Variants in NINL observed in about 807,000 individuals in gnomAD.
NINL encodes the protein ninein-like protein.
A neutral mutation model predicts 160.3 loss-of-function variants in NINL; 153 were observed. The observed-to-expected ratio is 0.95, with a 90% CI of 0.84 to 1.09. NINL has a LOEUF of 1.09. NINL is among the 50% of genes least tolerant of loss of function. The pLI is 0.00. For synonymous variants in NINL, 800 were observed against 734.8 expected (o/e 1.09, Z -1.43); for missense variants, 1,829 against 1,764.0 (o/e 1.04, Z -0.66).
chr20:25,484,182 A>G (rs891540988), intron 13 of NINL, among the ~76,000 whole-genome samples: 3 of 152,246 alleles, frequency 2.0e-5, no homozygotes, highest in African/African-American at 7.2e-5. Context: ...TGAAAGAAAA[A>G]AAGTTTTTAA....
intron 16 of NINL, 82 bp downstream of exon 16, chr20:25,478,841 A>G: frequency 6.9e-7 from 1 of 1,456,830 alleles, no homozygotes; most frequent in Non-Finnish European, 9.1e-7. Context: ...AGCAATTCTG[A>G]GTTGTTTCCT....
intron 1 of NINL, among the ~76,000 whole-genome samples, chr20:25,545,246 C>T (rs912249486): frequency 1.3e-5 from 2 of 152,142 alleles, no homozygotes; most frequent in Non-Finnish European, 2.9e-5. Flanking sequence ...ATAAGGTGAA[C>T]ATTTGAAGAG....
intron 17 of NINL, among the ~76,000 whole-genome samples, chr20:25,473,849 C>T (rs141983446): frequency 0.014 from 2,125 of 152,116 alleles, 47 homozygotes; most frequent in African/African-American, 0.046. Flanking sequence ...GTCTGGGCAA[C>T]AGAGTGAGAC....
Position 25,476,677 on chromosome 20 carries a change from C to T in NINL, c.2614G>A (p.Ala872Thr), listed in dbSNP as rs372683397. Residue 872 changes from alanine to threonine, a missense_variant, in exon 17 of 24, where the codon GCG becomes ACG. Coordinates refer to ENST00000278886, the MANE Select transcript of NINL (RefSeq NM_025176.6). The stretch of plus-strand genomic sequence containing the variant: ...CTGCGGCGAGGCCCGGCTCCTGCCG[C>T]CTCCTCAGACTCTCTGCCATCACCT... Reference protein sequence around the residue: ...APGDGRESEEAAGAGPRRRQA... With the variant: ...APGDGRESEETAGAGPRRRQA... 8.6e-5 allele frequency: 136 copies of T among 1,590,110 alleles called. No homozygotes were observed. The highest frequency in any genetic ancestry group is 6.6e-4 in the Middle Eastern group (4 of 6,028).
At chr20:25,489,195 AC>A in intron 13 of NINL, 48 bp downstream of exon 13, 2 of 1,556,746 alleles carry the variant, frequency 1.3e-6, no homozygotes, top group Non-Finnish European at 1.8e-6. Context: ...GCGTGTGGAG[AC>A]CCAGAGCCTG....
rs1601193415 is a variant in NINL at position 25,513,130 on chromosome 20, C to T, written c.278-124G>A. Reference sequence around the variant, plus strand: ...GAGTGTGCCCCTCAAACACGTACTGCTCTGCACACAGAAGCATCTGGAAAG... The same window carrying T: ...GAGTGTGCCCCTCAAACACGTACTGTTCTGCACACAGAAGCATCTGGAAAG... On this transcript the variant is annotated intron_variant, in intron 3 of 23. Transcript: ENST00000278886. 12 of 887,086 alleles carry T rather than the reference C, an allele frequency of 1.4e-5. No individual in the cohort carries two copies. The East Asian group carries it at 3.1e-4, about 23-fold the overall frequency. 55.0% of individuals were successfully genotyped at this position (887,086 alleles called of 1,614,324 possible). A position where few individuals can be genotyped will look rare whatever the true frequency, so the allele number is the denominator to read the frequency against.
Position 25,526,598 on chromosome 20 carries a change from G to C in NINL, c.-11C>G, listed in dbSNP as rs772348648. On this transcript the variant is annotated splice_region_variant and 5_prime_UTR_variant, in exon 2 of 24. Coordinates refer to ENST00000278886, the MANE Select transcript of NINL (RefSeq NM_025176.6). ...CTCTTCTTCATCCATCCCATAGCAG[G>C]CTGGCAGTGTGCAAGGGAAGAAGAA... 119 of 1,611,004 alleles carry C rather than the reference G, an allele frequency of 7.4e-5. No homozygotes were observed. Among genetic ancestry groups the C allele is most frequent in the Non-Finnish European group, 9.6e-5 (113 of 1,177,566 alleles).
At chr20:25,572,296 C>A (rs77053793) in intron 1 of NINL, among the ~76,000 whole-genome samples, 11,822 of 149,578 alleles carry the variant, frequency 0.079, 491 homozygotes, top group Non-Finnish European at 0.1. Flanking sequence ...GGAAAAAAAA[C>A]GGCCCCAGGA....
intron 21 of NINL, among the ~76,000 whole-genome samples, chr20:25,459,740 G>A (rs1263876675): frequency 1.3e-5 from 2 of 152,116 alleles, no homozygotes; most frequent in Non-Finnish European, 2.9e-5. Context: ...CCACAGCATG[G>A]CCAGGGTCCA....
At chr20:25,531,139 C>T (rs1420898726) in intron 1 of NINL, among the ~76,000 whole-genome samples, 3 of 152,176 alleles carry the variant, frequency 2.0e-5, no homozygotes, top group Admixed American at 2.0e-4. Context: ...AGCGATATTT[C>T]TCCCATTTGC....
rs1300985684 is a variant in NINL, at chr20:25,526,490, G to A, written c.98C>T (p.Thr33Ile). 1.9e-6 allele frequency: 3 copies of A among 1,614,100 alleles called. No individual in the cohort carries two copies. The highest frequency in any genetic ancestry group is 4.5e-5 in the East Asian group (2 of 44,898). The change falls in exon 2 of 24, where the codon ACC (threonine) becomes ATC (isoleucine). Residue 33 changes from threonine to isoleucine, a missense_variant. Transcript: ENST00000278886. Reference sequence around the variant, plus strand: ...CAGGTGAAGCTTAAGGCAGAGCTGGGTCAGCTCCTGGCGGTCCAGAAAGCC... The same window carrying A: ...CAGGTGAAGCTTAAGGCAGAGCTGGATCAGCTCCTGGCGGTCCAGAAAGCC... ...GTGFLDRQELTQLCLKLHLEQ... is the reference protein window; with the variant it reads ...GTGFLDRQELIQLCLKLHLEQ...
At chr20:25,529,444 T>C (rs1172766994) in intron 1 of NINL, among the ~76,000 whole-genome samples, 1 of 152,168 alleles carries the variant, frequency 6.6e-6, no homozygotes, top group Non-Finnish European at 1.5e-5. Context: ...GTGAAAATGA[T>C]AATCTGCTCA....
rs149903925 is a variant in NINL, at chr20:25,491,399, C to T, written c.1437G>A (p.Leu479=). Residue 479 remains leucine (L), a synonymous_variant, in exon 11 of 24, where the codon CTG becomes CTA. Coordinates refer to ENST00000278886, the MANE Select transcript of NINL (RefSeq NM_025176.6). The part of the protein sequence containing the change: ...RAALEWDVGR[L]QAEEAGLREK... ...CGCGGAGGCCAGCCTCCTCAGCCTG[C>T]AGGCGCCCCACGTCCCACTCCAGCG... The T allele has an allele frequency of 1.5e-5, 24 of 1,612,290 alleles. No individual in the cohort carries two copies. The African/African-American group carries it at 2.7e-4, about 18-fold the overall frequency.
chr20:25,548,777 A>G (rs1267950285), intron 1 of NINL, among the ~76,000 whole-genome samples: 1 of 147,524 alleles, frequency 6.8e-6, no homozygotes. Context: ...ACCCACGGCC[A>G]CAGCTCCCAC....
At chr20:25,524,429 G>A (rs571966563) in intron 2 of NINL, among the ~76,000 whole-genome samples, 12 of 152,312 alleles carry the variant, frequency 7.9e-5, no homozygotes, top group African/African-American at 1.7e-4. Flanking sequence ...TGGGACAGAC[G>A]GAAGGACGAT....
At chr20:25,510,099 C>T (rs529431513) in intron 5 of NINL, among the ~76,000 whole-genome samples, 7 of 152,260 alleles carry the variant, frequency 4.6e-5, no homozygotes, top group South Asian at 2.1e-4. Context: ...TCCCCTTGCA[C>T]GCTGCACAGC....
At chr20:25,560,611 G>T (rs938573281) in intron 1 of NINL, among the ~76,000 whole-genome samples, 1 of 152,056 alleles carries the variant, frequency 6.6e-6, no homozygotes, top group Non-Finnish European at 1.5e-5. Context: ...TCAAGGAGTG[G>T]GCTGAAGATC....
chr20:25,513,261 C>T (rs1362756397), intron 3 of NINL, among the ~76,000 whole-genome samples: 3 of 152,240 alleles, frequency 2.0e-5, no homozygotes, highest in African/African-American at 7.2e-5. Flanking sequence ...ATGCTATTTA[C>T]ACTTTTTCAA....
At chr20:25,499,273 G>A (rs2063820603) in intron 8 of NINL, 5 of 973,888 alleles carry the variant, frequency 5.1e-6, no homozygotes, top group Admixed American at 6.2e-5. Flanking sequence ...ATGGCGTAGA[G>A]GGACAGAACC....
Sources: allele counts gnomAD v4.1 joint callset (sites outside exome capture counted in the v4.1 genomes callset), GRCh38; gene constraint gnomAD v4.1.1; transcripts MANE v1.5; gene names NCBI Gene and HGNC (gene_info 2026-07-23, HGNC 2026-07-21).